Variants in ELMO2 observed in about 807,000 individuals in gnomAD.
ELMO2 encodes engulfment and cell motility 2.
ELMO2 carries 37 observed loss-of-function variants against 96.2 expected under a neutral mutation model. The ratio of observed to expected loss-of-function variants is 0.38; its 90% CI spans 0.30 to 0.51. ELMO2 has a LOEUF of 0.51. ELMO2 is among the 20% of genes least tolerant of loss of function. The pLI, the probability that ELMO2 is intolerant of heterozygous loss-of-function variation, is 0.88. For missense variants in ELMO2, 561 were observed against 912.6 expected, an observed-to-expected ratio of 0.61 and a Z score of 4.96; for synonymous variants, 315 against 329.4, an observed-to-expected ratio of 0.96 and a Z score of 0.47.
intron 9 of ELMO2, 94 bp downstream of exon 9, chr20:46,386,030 A>G: frequency 1.4e-6 from 2 of 1,404,114 alleles, no homozygotes; most frequent in Admixed American, 4.3e-5. Flanking sequence ...AGCTTGGAAT[A>G]TAAGCAAAGG....
At chr20:46,388,941 T>G in intron 7 of ELMO2, 98 bp downstream of exon 7, 1 of 1,302,382 alleles carries the variant, frequency 7.7e-7, no homozygotes, top group Non-Finnish European at 1.1e-6. Context: ...TGGTATTCAA[T>G]AAACTCCTTA....
At chr20:46,396,686 C>T (rs1250422842) in intron 2 of ELMO2, among the ~76,000 whole-genome samples, 2 of 152,154 alleles carry the variant, frequency 1.3e-5, no homozygotes, top group Non-Finnish European at 2.9e-5. Flanking sequence ...TAAGCAGGCA[C>T]AGAAGGTACA....
chr20:46,368,871 G>A lies in ELMO2; in HGVS notation c.1962+20C>T, dbSNP rs1173803555. The A allele has an allele frequency of 7.4e-6, 12 of 1,613,598 alleles. No homozygotes were observed. The highest frequency in any genetic ancestry group is 1.7e-5 in the Admixed American group (1 of 59,986). Reference sequence around the variant, plus strand: ...TTACAGAAATAGCTCTGTTGTCTAAGGCAGCGCCACACTGCTCACCTCATA... The same window carrying A: ...TTACAGAAATAGCTCTGTTGTCTAAAGCAGCGCCACACTGCTCACCTCATA... On this transcript the variant is annotated intron_variant, in intron 21 of 21. Transcript: ENST00000290246.
intron 2 of ELMO2, among the ~76,000 whole-genome samples, chr20:46,398,416 G>A (rs756693769): frequency 6.6e-6 from 1 of 152,092 alleles, no homozygotes; most frequent in Non-Finnish European, 1.5e-5. Context: ...GGGTTCAAGC[G>A]ATTCTCCTGC....
intron 10 of ELMO2, among the ~76,000 whole-genome samples, chr20:46,380,866 A>G (rs994569454): frequency 1.3e-5 from 2 of 152,186 alleles, no homozygotes; most frequent in African/African-American, 4.8e-5. Flanking sequence ...GTAATTTTTT[A>G]TAACAGGCTC....
intron 9 of ELMO2, 147 bp downstream of exon 9, chr20:46,385,977 G>C: frequency 1.2e-6 from 1 of 823,322 alleles, no homozygotes; most frequent in East Asian, 2.6e-5. Flanking sequence ...GAGAAATTCT[G>C]GCAGGAGTGT....
rs77954834 is a variant in ELMO2 at position 46,379,481 on chromosome 20, T to C, written c.807+772A>G. On this transcript the variant is annotated intron_variant, in intron 11 of 21. Transcript: ENST00000290246. ...CCCCTTAGCAAACACATGTCTTTCA[T>C]GTGCTCTTTCTAAAATGCAAATCTG... is the stretch of plus-strand genomic sequence containing the variant. Among the ~76,000 whole-genome samples, 383 of 152,316 alleles carry C rather than the reference T, an allele frequency of 2.5e-3. 1 individual carries two copies. The highest frequency in any genetic ancestry group is 8.9e-3 in the African/African-American group (371 of 41,568).
intron 1 of ELMO2, among the ~76,000 whole-genome samples, chr20:46,405,946 G>A (rs975813561): frequency 2.6e-5 from 4 of 152,212 alleles, no homozygotes; most frequent in African/African-American, 9.6e-5. Flanking sequence ...ACAGGAGAAG[G>A]GCCCCTGTGC....
At chr20:46,369,140 A>C in intron 20 of ELMO2, 172 bp from the exon 21 acceptor site, 1 of 590,316 alleles carries the variant, frequency 1.7e-6, no homozygotes, top group South Asian at 2.1e-5. Context: ...GCCCAGCATA[A>C]ATCAACCTTA....
Position 46,389,866 on chromosome 20 carries a change from T to G in ELMO2, c.244-646A>C, listed in dbSNP as rs138650848. 6.3e-4 allele frequency among the ~76,000 whole-genome samples: 92 copies of G among 146,208 alleles called. No homozygotes were observed. The East Asian group carries it at 0.017, about 27-fold the overall frequency. ...TCTCTCTCAAAAATAAAAAAGAAAA[T>G]AAAATTGGTCAGGTACAGTGGCTTA... On this transcript the variant is annotated intron_variant, in intron 6 of 21. Transcript: ENST00000290246.
intron 9 of ELMO2, 71 bp downstream of exon 9, chr20:46,386,053 G>A: frequency 6.5e-7 from 1 of 1,536,790 alleles, no homozygotes; most frequent in Non-Finnish European, 8.9e-7. Flanking sequence ...AGTAGGATTG[G>A]AAGACTTAAA....
chr20:46,393,788 T>C (rs200165699), intron 4 of ELMO2, among the ~76,000 whole-genome samples, 187 bp from the exon 5 acceptor site: 194 of 152,266 alleles, frequency 1.3e-3, no homozygotes, highest in Non-Finnish European at 2.3e-3. Context: ...AGCACCACAA[T>C]AGGAGGTGTG....
Position 46,375,885 on chromosome 20 carries a change from G to A in ELMO2, c.808-95C>T. On this transcript the variant is annotated intron_variant, in intron 11 of 21. Coordinates refer to ENST00000290246, the MANE Select transcript of ELMO2 (RefSeq NM_133171.5). The surrounding 1 kb of genome is among the most constrained non-coding windows in gnomAD (Gnocchi z 4.6). ...AAGGAAAAGGAATGTATGTTGGGAA[G>A]GGAACAGAGCTTTCCTCCCACACAC... 13 of 1,522,998 alleles carry A rather than the reference G, an allele frequency of 8.5e-6. No individual in the cohort carries two copies. Among genetic ancestry groups the A allele is most frequent in the East Asian group, 2.3e-5 (1 of 43,576 alleles). The allele number at this position is 1,522,998 out of a possible 1,614,324, so 94.3% of individuals were successfully genotyped here. A position where few individuals can be genotyped will look rare whatever the true frequency, so the allele number is the denominator to read the frequency against.
chr20:46,375,233 T>TA lies in ELMO2; in HGVS notation c.1065+2dup, dbSNP rs755642541. On this transcript the variant is annotated splice_region_variant and intron_variant, in intron 13 of 21. Coordinates refer to ENST00000290246, the MANE Select transcript of ELMO2 (RefSeq NM_133171.5). The surrounding 1 kb of genome is among the most constrained non-coding windows in gnomAD (Gnocchi z 4.6). ...ACCACCGTCTATGCTCTGAGGTACTTACGGTAAATCCCAGCATTTTGTAGT... is the reference window on the plus strand; with the variant it reads ...ACCACCGTCTATGCTCTGAGGTACTTAACGGTAAATCCCAGCATTTTGTAGT... 1.2e-5 allele frequency: 20 copies of TA among 1,613,492 alleles called. No homozygotes were observed. Among genetic ancestry groups the TA allele is most frequent in the African/African-American group, 2.7e-5 (2 of 74,916 alleles).
rs543244112 is a variant in ELMO2 at position 46,377,623 on chromosome 20, A to G, written c.808-1833T>C. Among the ~76,000 whole-genome samples the G allele has an allele frequency of 5.3e-5, 8 of 152,338 alleles. No individual in the cohort carries two copies. In the South Asian group the frequency reaches 1.7e-3, roughly 32 times the overall value. On this transcript the variant is annotated intron_variant, in intron 11 of 21. Transcript: ENST00000290246. ...GTACTACACATGACTGGTGGCCACC[A>G]TTGTGGACAGCACTTCCATAGCACA... is the stretch of plus-strand genomic sequence containing the variant.
At position 46,373,568 on chromosome 20, in the gene ELMO2, G is replaced by T. The variant is rs995697103; in HGVS notation, c.1280-33C>A. On this transcript the variant is annotated intron_variant, in intron 15 of 21. Transcript: ENST00000290246. ...AGTGAAAAAACAGGGAGAAGATGAAGCCTCTGTCCACAAGGGCCTGGGAGC... is the reference window on the plus strand; with the variant it reads ...AGTGAAAAAACAGGGAGAAGATGAATCCTCTGTCCACAAGGGCCTGGGAGC... 6.8e-6 allele frequency: 11 copies of T among 1,611,244 alleles called. No homozygotes were observed. In the East Asian group the frequency reaches 2.5e-4, roughly 36 times the overall value.
At chr20:46,402,739 G>A (rs1277797565) in intron 1 of ELMO2, among the ~76,000 whole-genome samples, 1 of 152,228 alleles carries the variant, frequency 6.6e-6, no homozygotes, top group African/African-American at 2.4e-5. Flanking sequence ...AGAGAAGCTG[G>A]CAAGGCCATG....
At position 46,389,704 on chromosome 20, in the gene ELMO2, C is replaced by G. The variant is rs137914819; in HGVS notation, c.244-484G>C. 6.0e-3 allele frequency among the ~76,000 whole-genome samples: 915 copies of G among 152,116 alleles called. 8 individuals are homozygous for G. The highest frequency in any genetic ancestry group is 0.021 in the African/African-American group (867 of 41,496). Reference sequence around the variant, plus strand: ...CTCCCAAAAAATTTTTTAAAATGAGCCAGGTGTGGTGGTGCACACCTGTAG... The same window carrying G: ...CTCCCAAAAAATTTTTTAAAATGAGGCAGGTGTGGTGGTGCACACCTGTAG... On this transcript the variant is annotated intron_variant, in intron 6 of 21. Transcript: ENST00000290246.
Position 46,389,084 on chromosome 20 carries a change from A to G in ELMO2, c.380T>C (p.Ile127Thr), listed in dbSNP as rs1309972224. ...ATEFINMDGI[I>T]VLTRLVESGT... The stretch of plus-strand genomic sequence containing the variant: ...ACTTTCCACGAGCCTTGTCAGCACA[A>G]TGATGCCATCCATGTTGATGAACTC... The change falls in exon 7 of 22, where the codon ATT (isoleucine) becomes ACT (threonine). Residue 127 changes from isoleucine (I) to threonine (T), a missense_variant. Physicochemically the swap from Ile to Thr is moderately conservative, Grantham distance 89 (BLOSUM62 -1). Coordinates refer to ENST00000290246, the MANE Select transcript of ELMO2 (RefSeq NM_133171.5). 6.2e-7 allele frequency: 1 copy of G among 1,614,006 alleles called. No homozygotes were observed.
Sources: gnomAD v4.1 joint callset for allele counts (sites outside exome capture counted in the v4.1 genomes callset) on GRCh38, gnomAD v4.1.1 for gene constraint, Gnocchi (gnomAD v3.1) non-coding constraint, MANE v1.5 for transcripts, NCBI Gene and HGNC (gene_info 2026-07-23, HGNC 2026-07-21) for gene names.